Variants in SMCO4 observed in about 807,000 individuals in gnomAD.
The protein encoded by SMCO4 is single-pass membrane and coiled-coil domain-containing protein 4.
SMCO4 carries 4 observed loss-of-function variants against 3.6 expected under a neutral mutation model. The ratio of observed to expected loss-of-function variants is 1.11; its 90% confidence interval spans 0.54 to 2.53. The LOEUF is 2.53. Among genes scored for constraint, SMCO4 ranks in the 30% most tolerant of loss-of-function variants. The probability of loss-of-function intolerance (pLI) is 0.02; values close to 1 mark genes in which losing one functional copy is unlikely to be tolerated. For synonymous variants in SMCO4, 36 were observed against 35.3 expected, an observed-to-expected ratio of 1.02 and a Z score of -0.07; for missense variants, 70 against 80.8, an observed-to-expected ratio of 0.87 and a Z score of 0.51.
chr11:93,519,909 T>C (rs1949042202), intron 1 of SMCO4, among the ~76,000 whole-genome samples: 1 of 152,124 alleles, frequency 6.6e-6, no homozygotes, highest in Admixed American at 6.5e-5. Context: ...ACCTATAGTC[T>C]GAATACACTA....
At chr11:93,548,794 T>C in the SMCO4 span, among the ~76,000 whole-genome samples, 1 of 152,262 alleles carries the variant, frequency 6.6e-6, no homozygotes, top group South Asian at 2.1e-4. Context: ...AATGAAACTC[T>C]ACAGGGTGGG....
chr11:93,483,848 T>A (rs1418945183), intron 2 of SMCO4, among the ~76,000 whole-genome samples: 1 of 152,170 alleles, frequency 6.6e-6, no homozygotes, highest in Non-Finnish European at 1.5e-5. Context: ...GTCCCCACCT[T>A]CCTGGGTGTA....
intron 2 of SMCO4, among the ~76,000 whole-genome samples, chr11:93,492,648 A>T (rs904379526): frequency 6.6e-5 from 10 of 152,196 alleles, no homozygotes; most frequent in Admixed American, 6.5e-4. Flanking sequence ...AGGAGACCTC[A>T]AAGAAGAGGG....
chr11:93,488,337 A>C (rs185818218), intron 2 of SMCO4, among the ~76,000 whole-genome samples: 21 of 152,338 alleles, frequency 1.4e-4, no homozygotes, highest in Admixed American at 1.4e-3. Flanking sequence ...ATGGGGCCAC[A>C]GAAGGGTGCT....
Position 93,479,053 on chromosome 11 carries a change from A to G in SMCO4, c.137T>C (p.Val46Ala), listed in dbSNP as rs1948557841. The change falls in exon 3 of 3, where the codon GTG becomes GCG. Residue 46 changes from valine to alanine, a missense_variant. Transcript: ENST00000298966. ...PTLAVVVLLI[V>A]VFVYVATRPT... ...GCGCGTGGCCACGTACACAAACACC[A>G]CGATCAAGAGCACGACCACGGCCAG... 2 of 1,613,612 alleles carry G rather than the reference A, an allele frequency of 1.2e-6. No individual in the cohort carries two copies. Among genetic ancestry groups the G allele is most frequent in the African/African-American group, 2.7e-5 (2 of 75,056 alleles).
intron 2 of SMCO4, chr11:93,481,396 C>G: frequency 1.0e-6 from 1 of 984,278 alleles, no homozygotes; most frequent in Non-Finnish European, 1.2e-6. Context: ...CACTGAGCTC[C>G]TCTAAGCCTG....
intron 2 of SMCO4, among the ~76,000 whole-genome samples, chr11:93,488,670 A>G (rs969413836): frequency 6.6e-6 from 1 of 152,270 alleles, no homozygotes; most frequent in East Asian, 1.9e-4. Flanking sequence ...CTGGAGTTTG[A>G]CAATCTATCA....
chr11:93,484,488 C>T (rs1422225118), intron 2 of SMCO4, among the ~76,000 whole-genome samples: 8 of 152,118 alleles, frequency 5.3e-5, no homozygotes, highest in East Asian at 1.9e-4. Flanking sequence ...AAATCTCTCA[C>T]GTCCCGACTC....
the SMCO4 span, among the ~76,000 whole-genome samples, chr11:93,548,961 T>C: frequency 6.6e-6 from 1 of 152,252 alleles, no homozygotes; most frequent in Non-Finnish European, 1.5e-5. Context: ...GTACACTCTA[T>C]GCGTATGAAG....
At chr11:93,513,806 T>C (rs1948980433) in intron 1 of SMCO4, among the ~76,000 whole-genome samples, 1 of 152,210 alleles carries the variant, frequency 6.6e-6, no homozygotes, top group Non-Finnish European at 1.5e-5. Context: ...GAATGCATTT[T>C]CCCAGACTGC....
chr11:93,530,377 T>C (rs1949150603), intron 1 of SMCO4, among the ~76,000 whole-genome samples: 1 of 152,072 alleles, frequency 6.6e-6, no homozygotes. Context: ...GGTGGGTAGG[T>C]GAAAAGCATA....
At chr11:93,501,143 C>A (rs1018471695) in intron 1 of SMCO4, among the ~76,000 whole-genome samples, 1 of 152,200 alleles carries the variant, frequency 6.6e-6, no homozygotes, top group African/African-American at 2.4e-5. Context: ...GAGACTAGAT[C>A]AGTGGTACTC....
intron 1 of SMCO4, among the ~76,000 whole-genome samples, chr11:93,521,451 C>T (rs1949057871): frequency 6.6e-6 from 1 of 152,114 alleles, no homozygotes; most frequent in Non-Finnish European, 1.5e-5. Flanking sequence ...TGTCATAATA[C>T]CTGAGGTAGG....
At chr11:93,487,774 C>T (rs752072242) in intron 2 of SMCO4, among the ~76,000 whole-genome samples, 9 of 152,202 alleles carry the variant, frequency 5.9e-5, no homozygotes, top group South Asian at 2.1e-4. Flanking sequence ...AAGCAGCACA[C>T]GGTAAATTAA....
At chr11:93,493,722 T>C (rs1948744859) in intron 2 of SMCO4, among the ~76,000 whole-genome samples, 1 of 152,232 alleles carries the variant, frequency 6.6e-6, no homozygotes, top group Non-Finnish European at 1.5e-5. Flanking sequence ...AGCCCAACCC[T>C]GACCTCTGAC....
chr11:93,535,536 C>A, intron 1 of SMCO4: 1 of 1,415,810 alleles, frequency 7.1e-7, no homozygotes, highest in Non-Finnish European at 9.9e-7. Flanking sequence ...TGCTGGACAT[C>A]AGGCAGCATC....
chr11:93,552,442 GTTATTATTATTATTATTATTA>G, the SMCO4 span, among the ~76,000 whole-genome samples: 2 of 130,246 alleles, frequency 1.5e-5, no homozygotes, highest in African/African-American at 2.9e-5. Context: ...GCCCAGCCAC[GTTATTATTATTATTATTATTA>G]TTATTATTAT....
chr11:93,518,247 C>A (rs893233151), intron 1 of SMCO4, among the ~76,000 whole-genome samples: 1 of 152,150 alleles, frequency 6.6e-6, no homozygotes. Flanking sequence ...CATGTTCTTG[C>A]GGTTTATGCA....
intron 1 of SMCO4, among the ~76,000 whole-genome samples, chr11:93,522,831 A>G (rs1188071250): frequency 2.0e-5 from 3 of 152,196 alleles, no homozygotes; most frequent in Non-Finnish European, 4.4e-5. Context: ...TATAACACAT[A>G]AAGACTTAAA....
Sources: gnomAD v4.1 joint callset for allele counts (sites outside exome capture counted in the v4.1 genomes callset) on GRCh38, gnomAD v4.1.1 for gene constraint, MANE v1.5 for transcripts, NCBI Gene and HGNC (gene_info 2026-07-23, HGNC 2026-07-21) for gene names.